MINK1: variants seen among roughly 807,000 people sequenced by gnomAD.
The protein encoded by MINK1 is misshapen-like kinase 1.
In MINK1, 46 loss-of-function variants were observed where a neutral mutation model predicts 178.4. The ratio of observed to expected loss-of-function variants is 0.26; its 90% CI spans 0.20 to 0.33. MINK1 has a LOEUF of 0.33. Ranked by LOEUF, MINK1 falls within the 10% of genes least tolerant of loss-of-function variation. MINK1 has a pLI of 1.00. For missense variants in MINK1, 1,366 were observed against 1,814.9 expected (o/e 0.75, Z 4.49); for synonymous variants, 797 against 709.7 (o/e 1.12, Z -1.96).
At chr17:4,890,460 G>T (rs1382757166) in intron 13 of MINK1, 57 bp from the exon 14 acceptor site, 2 of 1,536,556 alleles carry the variant, frequency 1.3e-6, no homozygotes, top group Non-Finnish European at 1.8e-6. Flanking sequence ...GGGCATGCCT[G>T]CTCTAACTCC....
intron 1 of MINK1, among the ~76,000 whole-genome samples, chr17:4,877,589 G>T (rs1455884126): frequency 1.3e-5 from 2 of 152,050 alleles, no homozygotes; most frequent in African/African-American, 4.8e-5. Flanking sequence ...AATAATAATG[G>T]TCATTAACTT....
At chr17:4,849,791 T>G (rs947037575) in intron 1 of MINK1, among the ~76,000 whole-genome samples, 22 of 152,102 alleles carry the variant, frequency 1.4e-4, no homozygotes, top group African/African-American at 5.3e-4. Context: ...CAGGCTAGTC[T>G]CGAACTCCCG....
At chr17:4,891,196 GCGCGCACA>G in intron 15 of MINK1, 72 bp downstream of exon 15, 5 of 850,042 alleles carry the variant, frequency 5.9e-6, no homozygotes, top group South Asian at 2.2e-5. Flanking sequence ...ACACACACAC[GCGCGCACA>G]CACACACACA....
chr17:4,857,547 A>C (rs1043792721), intron 1 of MINK1, among the ~76,000 whole-genome samples: 2 of 143,822 alleles, frequency 1.4e-5, no homozygotes, highest in African/African-American at 2.6e-5. Flanking sequence ...GCTCACTTCA[A>C]CCTCTGCCTC....
intron 17 of MINK1, 59 bp downstream of exon 17, chr17:4,892,293 G>A (rs1968907351): frequency 4.0e-6 from 6 of 1,508,974 alleles, no homozygotes; most frequent in East Asian, 2.5e-5. Flanking sequence ...GGGAGTAGGG[G>A]GGGCACAGGG....
intron 16 of MINK1, 54 bp from the exon 17 acceptor site, chr17:4,892,095 C>T (rs934584404): frequency 1.1e-5 from 16 of 1,435,578 alleles, no homozygotes; most frequent in Non-Finnish European, 1.5e-5. Flanking sequence ...GCTTAAACAT[C>T]TGAGAAGTGC....
intron 1 of MINK1, among the ~76,000 whole-genome samples, chr17:4,846,811 C>T (rs1158817989): frequency 6.6e-6 from 1 of 152,192 alleles, no homozygotes; most frequent in Non-Finnish European, 1.5e-5. Flanking sequence ...GCTAGGATGA[C>T]AAGTGTGAGC....
intron 17 of MINK1, 41 bp from the exon 18 acceptor site, chr17:4,892,361 C>T (rs1220656122): frequency 2.8e-6 from 4 of 1,444,476 alleles, no homozygotes; most frequent in Non-Finnish European, 2.8e-6. Context: ...ACCTCAGCGC[C>T]CCCCCGCCGC....
chr17:4,896,411 C>CA lies in MINK1; in HGVS notation c.3616-18_3616-17insA, dbSNP rs1969481053. On this transcript the variant is annotated splice_polypyrimidine_tract_variant and intron_variant, in intron 29 of 31. Transcript: ENST00000355280. The surrounding 1 kb of genome is among the most constrained non-coding windows in gnomAD (Gnocchi z 4.6). The stretch of plus-strand genomic sequence containing the variant: ...GGGCACCAGACACGGAGACTCTAGT[C>CA]CCCCTCCTTCTCCCCAGATCCAGAG... 5 of 1,612,964 alleles carry CA rather than the reference C, an allele frequency of 3.1e-6. No individual in the cohort carries two copies. The South Asian group carries it at 4.4e-5, about 14-fold the overall frequency.
chr17:4,869,136 G>A lies in MINK1; in HGVS notation c.58-9181G>A, dbSNP rs553000583. On this transcript the variant is annotated intron_variant, in intron 1 of 31. Coordinates refer to ENST00000355280, the MANE Select transcript of MINK1 (RefSeq NM_153827.5). Reference sequence around the variant, plus strand: ...AGACGGGGTTTCATCATGTTAGCCAGGATGGTCTTGATCTCCTGACCTCAT... The same window carrying A: ...AGACGGGGTTTCATCATGTTAGCCAAGATGGTCTTGATCTCCTGACCTCAT... Among the ~76,000 whole-genome samples, 32 of 151,908 alleles carry A rather than the reference G, an allele frequency of 2.1e-4. No individual in the cohort carries two copies. In the East Asian group the frequency reaches 6.0e-3, roughly 28 times the overall value.
chr17:4,844,392 G>A lies in MINK1; in HGVS notation c.57+10752G>A, dbSNP rs115892116. 4.4e-3 allele frequency among the ~76,000 whole-genome samples: 677 copies of A among 152,194 alleles called. 6 individuals are homozygous for A. Among genetic ancestry groups the A allele is most frequent in the African/African-American group, 0.015 (621 of 41,530 alleles). The stretch of plus-strand genomic sequence containing the variant: ...TGAGGACTAAAACATTATCCATAAC[G>A]TTTCTTGGTAAAGTTTTTGGAGACT... On this transcript the variant is annotated intron_variant, in intron 1 of 31. Transcript: ENST00000355280.
intron 1 of MINK1, among the ~76,000 whole-genome samples, chr17:4,842,491 C>G (rs1170130843): frequency 1.3e-5 from 2 of 152,168 alleles, no homozygotes; most frequent in Non-Finnish European, 2.9e-5. Flanking sequence ...TCTAAATTAC[C>G]CTTGTGCATG....
chr17:4,891,033 C>G lies in MINK1; in HGVS notation c.1649C>G (p.Pro550Arg), dbSNP rs751412069. The change falls in exon 15 of 32, where the codon CCC (proline) becomes CGC (arginine). Residue 550 changes from proline to arginine, a missense_variant. By Grantham distance (103) the Pro-to-Arg change is moderately radical. Transcript: ENST00000355280. ...CCAGGCAGCACGGGGCCTGAGCCCC[C>G]CATCCCCCAGGCCTCCCCAGGGCCC... is the stretch of plus-strand genomic sequence containing the variant. ...SKPGSTGPEP[P>R]IPQASPGPPG... is the part of the protein sequence containing the mutation. The G allele has an allele frequency of 4.5e-6, 7 of 1,557,310 alleles. No homozygotes were observed. Among genetic ancestry groups the G allele is most frequent in the African/African-American group, 1.4e-5 (1 of 73,256 alleles).
intron 1 of MINK1, among the ~76,000 whole-genome samples, chr17:4,855,092 CA>C (rs2150838629): frequency 1.3e-5 from 2 of 151,544 alleles, no homozygotes; most frequent in East Asian, 3.9e-4. Flanking sequence ...CCTATAGTCC[CA>C]GCTATTACTA....
chr17:4,891,226 CT>C, intron 15 of MINK1, 102 bp downstream of exon 15: 1 of 848,244 alleles, frequency 1.2e-6, no homozygotes, highest in Non-Finnish European at 1.6e-6. Flanking sequence ...ACACACACAC[CT>C]GCTCAGCCGT....
In MINK1 at chr17:4,897,199, C is replaced by T. The variant is rs772883796; in HGVS notation, c.3916-5C>T. On this transcript the variant is annotated splice_region_variant and splice_polypyrimidine_tract_variant and intron_variant, in intron 31 of 31. Transcript: ENST00000355280. ...CTTGGTGACTTCTTCTCCTGCCCCA[C>T]CCAGGTGTTTTTTGCCTCAGTCCGC... 1 of 1,613,072 alleles carries T rather than the reference C, an allele frequency of 6.2e-7. No homozygotes were observed. Among genetic ancestry groups the T allele is most frequent in the East Asian group, 2.2e-5 (1 of 44,856 alleles).
In MINK1 at chr17:4,880,321, G is replaced by A. The variant is rs1481237525; in HGVS notation, c.124-663G>A. The stretch of plus-strand genomic sequence containing the variant: ...TTTTCTTTTTTTTTTTTTTTGAGAC[G>A]GAGTCTTGCTCTGTCCCCCAGGTGG... On this transcript the variant is annotated intron_variant, in intron 2 of 31. Coordinates refer to ENST00000355280, the MANE Select transcript of MINK1 (RefSeq NM_153827.5). 4.1e-5 allele frequency among the ~76,000 whole-genome samples: 6 copies of A among 145,044 alleles called. No homozygotes were observed. The East Asian group carries it at 8.0e-4, about 19-fold the overall frequency.
In MINK1 at chr17:4,891,849, C is replaced by T. The variant is rs1007600924; in HGVS notation, c.2001+133C>T. On this transcript the variant is annotated intron_variant, in intron 16 of 31. Coordinates refer to ENST00000355280, the MANE Select transcript of MINK1 (RefSeq NM_153827.5). ...AGAGAAAGCCAGGGCGCTGCCCTGC[C>T]GGGGTCAGCCGTCCAGCTGAGGACG... The T allele has an allele frequency of 2.7e-4, 354 of 1,293,578 alleles. 1 individual carries two copies. Among genetic ancestry groups the T allele is most frequent in the Non-Finnish European group, 3.3e-4 (319 of 966,938 alleles). The allele number at this position is 1,293,578 out of a possible 1,614,324, so 80.1% of individuals were successfully genotyped here.
intron 1 of MINK1, among the ~76,000 whole-genome samples, chr17:4,874,730 G>A (rs1357647398): frequency 6.6e-6 from 1 of 152,126 alleles, no homozygotes; most frequent in East Asian, 1.9e-4. Flanking sequence ...CACAACCAGA[G>A]TGCCACGTGC....
Sources: gnomAD v4.1 joint callset for allele counts (sites outside exome capture counted in the v4.1 genomes callset) on GRCh38, gnomAD v4.1.1 for gene constraint, Gnocchi (gnomAD v3.1) non-coding constraint, MANE v1.5 for transcripts, NCBI Gene and HGNC (gene_info 2026-07-23, HGNC 2026-07-21) for gene names.